The following TEX9 variants were observed in gnomAD, a reference collection of about 807,000 sequenced individuals.
TEX9 encodes testis-expressed protein 9.
In TEX9, 74 loss-of-function variants were observed where a neutral mutation model predicts 59.6. The observed-to-expected ratio is 1.24, with a 90% CI of 1.03 to 1.51. The LOEUF (loss-of-function observed/expected upper bound fraction) is 1.51. Ranked by LOEUF, TEX9 falls within the 40% of genes most tolerant of loss-of-function variation. The pLI, the probability that TEX9 is intolerant of heterozygous loss-of-function variation, is 0.00. For synonymous variants in TEX9, 186 were observed against 152.2 expected, an observed-to-expected ratio of 1.22 and a Z score of -1.64; for missense variants, 522 against 447.8, an observed-to-expected ratio of 1.17 and a Z score of -1.49.
chr15:56,257,299 G>A (rs1033904444), intron 1 of TEX9, among the ~76,000 whole-genome samples: 13 of 151,972 alleles, frequency 8.6e-5, no homozygotes, highest in Middle Eastern at 3.2e-3. Context: ...ATTCCTTTGG[G>A]TATATACCCA....
chr15:56,280,457 AC>A (rs2044788112), intron 1 of TEX9, among the ~76,000 whole-genome samples: 1 of 152,194 alleles, frequency 6.6e-6, no homozygotes, highest in South Asian at 2.1e-4. Context: ...TGAACATTCT[AC>A]CCGAAGGCAA....
intron 7 of TEX9, among the ~76,000 whole-genome samples, chr15:56,392,531 C>T (rs1442846514): frequency 2.0e-5 from 3 of 152,154 alleles, no homozygotes; most frequent in African/African-American, 4.8e-5. Context: ...ACCTCCAACA[C>T]TGGGGATTAC....
intron 1 of TEX9, among the ~76,000 whole-genome samples, chr15:56,248,025 T>G (rs1361129508): frequency 1.3e-5 from 2 of 152,210 alleles, no homozygotes; most frequent in Non-Finnish European, 2.9e-5. Flanking sequence ...GATGGATAAT[T>G]TCTTTCAGCT....
At chr15:56,431,284 C>T in intron 12 of TEX9, 1 of 1,495,618 alleles carries the variant, frequency 6.7e-7, no homozygotes, top group East Asian at 2.3e-5. Context: ...AAGAAGTGAG[C>T]AAAACCAAGG....
intron 1 of TEX9, among the ~76,000 whole-genome samples, chr15:56,349,728 TAC>T (rs2046539895): frequency 4.0e-5 from 6 of 151,894 alleles, no homozygotes; most frequent in Admixed American, 3.9e-4. Flanking sequence ...TAAGCACATA[TAC>T]ACACGTGTAT....
At chr15:56,410,202 G>T (rs2049281370) in intron 9 of TEX9, 1 of 152,064 alleles carries the variant, frequency 6.6e-6, no homozygotes, top group African/African-American at 2.4e-5. Flanking sequence ...TTCTACCTTA[G>T]CCACTTGTTT....
chr15:56,281,184 G>T (rs2044810599), intron 1 of TEX9, among the ~76,000 whole-genome samples: 1 of 152,154 alleles, frequency 6.6e-6, no homozygotes, highest in Non-Finnish European at 1.5e-5. Flanking sequence ...ATATATTTGT[G>T]TTGCAGAACG....
upstream of TEX9, among the ~76,000 whole-genome samples, chr15:56,361,178 G>T (rs2046782559): frequency 6.6e-6 from 1 of 152,120 alleles, no homozygotes; most frequent in South Asian, 2.1e-4. Flanking sequence ...TGTGGTTTCT[G>T]TGATTTTCTC....
chr15:56,373,587 A>C, intron 3 of TEX9, 83 bp downstream of exon 3: 1 of 1,121,486 alleles, frequency 8.9e-7, no homozygotes, highest in Admixed American at 3.4e-5. Context: ...ATATATACAA[A>C]ACACTAGCCA....
At chr15:56,426,644 C>A (rs1444500267) in intron 10 of TEX9, among the ~76,000 whole-genome samples, 12 of 121,212 alleles carry the variant, frequency 9.9e-5, no homozygotes, top group African/African-American at 3.1e-4. Context: ...CACAAACACA[C>A]ACACACACAC....
chr15:56,298,798 C>T (rs1322155602), intron 1 of TEX9, among the ~76,000 whole-genome samples: 2 of 152,162 alleles, frequency 1.3e-5, no homozygotes, highest in African/African-American at 2.4e-5. Context: ...TTATCTTTCT[C>T]GGTCTTATTT....
chr15:56,409,783 C>T (rs1426175196), intron 9 of TEX9: 1 of 152,362 alleles, frequency 6.6e-6, no homozygotes, highest in Admixed American at 6.5e-5. Context: ...AGGCGTGAGC[C>T]ACTGTGCCTG....
At chr15:56,325,422 C>T (rs895580938) in intron 1 of TEX9, among the ~76,000 whole-genome samples, 10 of 152,064 alleles carry the variant, frequency 6.6e-5, no homozygotes, top group African/African-American at 7.2e-5. Context: ...ACAAAAGACT[C>T]GAGATTCCAA....
intron 1 of TEX9, among the ~76,000 whole-genome samples, chr15:56,343,905 G>A (rs1596105110): frequency 6.6e-6 from 1 of 152,192 alleles, no homozygotes; most frequent in Non-Finnish European, 1.5e-5. Context: ...TGGACAATAA[G>A]CAAATGAAAA....
chr15:56,351,462 T>A (rs909195358), intron 1 of TEX9, among the ~76,000 whole-genome samples: 1 of 152,178 alleles, frequency 6.6e-6, no homozygotes, highest in Non-Finnish European at 1.5e-5. Flanking sequence ...GTAGTTCCAC[T>A]TGAATATAAA....
intron 1 of TEX9, among the ~76,000 whole-genome samples, chr15:56,354,153 G>A (rs1233036817): frequency 6.6e-6 from 1 of 152,124 alleles, no homozygotes; most frequent in Admixed American, 6.5e-5. Context: ...TATGTATTCT[G>A]AATTAAGTCA....
At chr15:56,374,872 C>T (rs1379021071) in intron 3 of TEX9, among the ~76,000 whole-genome samples, 1 of 152,158 alleles carries the variant, frequency 6.6e-6, no homozygotes, top group Non-Finnish European at 1.5e-5. Flanking sequence ...TTGCAAGTGA[C>T]AGGGCCTCAT....
At chr15:56,406,381 T>C (rs1279665834) in intron 9 of TEX9, among the ~76,000 whole-genome samples, 1 of 152,184 alleles carries the variant, frequency 6.6e-6, no homozygotes, top group Non-Finnish European at 1.5e-5. Context: ...AATTTTTTTC[T>C]AGTGTGGGCT....
At chr15:56,430,701 C>T (rs1251351294) in intron 12 of TEX9, among the ~76,000 whole-genome samples, 1 of 151,862 alleles carries the variant, frequency 6.6e-6, no homozygotes, top group African/African-American at 2.4e-5. Context: ...TCATCTTTGG[C>T]ATGTAAGTAC....
Sources: allele counts gnomAD v4.1 joint callset (sites outside exome capture counted in the v4.1 genomes callset), GRCh38; gene constraint gnomAD v4.1.1; transcripts MANE v1.5; gene names NCBI Gene and HGNC (gene_info 2026-07-23, HGNC 2026-07-21).